PRSS23: variants seen among roughly 807,000 people sequenced by gnomAD.
The protein encoded by PRSS23 is protease, serine 23.
PRSS23 carries 25 observed loss-of-function variants against 34.7 expected under a neutral mutation model. That is an observed-to-expected ratio of 0.72 (90% CI 0.53 to 1.01). The LOEUF (loss-of-function observed/expected upper bound fraction) is 1.01. Ranked by LOEUF, PRSS23 falls within the 50% of genes least tolerant of loss-of-function variation. The probability of loss-of-function intolerance (pLI) is 0.00; values close to 1 mark genes in which losing one functional copy is unlikely to be tolerated. For synonymous variants in PRSS23, 176 were observed against 186.6 expected (o/e 0.94, Z 0.46); for missense variants, 445 against 475.6 (o/e 0.94, Z 0.60).
At chr11:86,823,232 C>G (rs550157670) in intron 1 of PRSS23, 1 of 611,098 alleles carries the variant, frequency 1.6e-6, no homozygotes, top group African/African-American at 1.9e-5. Context: ...TATTCCTAAT[C>G]TGTAAAAGCA....
chr11:86,895,114 T>G (rs112649702), intron 2 of PRSS23, among the ~76,000 whole-genome samples: 5,649 of 152,310 alleles, frequency 0.037, 142 homozygotes, highest in Middle Eastern at 0.12. Flanking sequence ...CATTTTGATA[T>G]ACAGTAACAT....
At chr11:86,886,442 G>A (rs2511887) in intron 2 of PRSS23, among the ~76,000 whole-genome samples, 49,243 of 152,010 alleles carry the variant, frequency 0.32, 9,101 homozygotes, top group Non-Finnish European at 0.41. Context: ...GTGAAGTTGC[G>A]TGAAGCCTCT....
At chr11:86,840,008 T>G (rs1261596362) in intron 2 of PRSS23, among the ~76,000 whole-genome samples, 2 of 151,768 alleles carry the variant, frequency 1.3e-5, no homozygotes, top group East Asian at 3.9e-4. Context: ...TGCCAAATTG[T>G]AAAGACATCG....
intron 2 of PRSS23, chr11:86,948,512 T>C (rs1949263147): frequency 2.0e-5 from 3 of 152,180 alleles, no homozygotes; most frequent in Admixed American, 2.0e-4. Flanking sequence ...TTGTCTGGAA[T>C]GTGAAAGGAG....
chr11:86,923,927 C>T (rs1949063311), intron 2 of PRSS23, among the ~76,000 whole-genome samples: 1 of 152,154 alleles, frequency 6.6e-6, no homozygotes, highest in South Asian at 2.1e-4. Flanking sequence ...CTTGGTTATT[C>T]CCTAAGATAT....
At chr11:86,882,957 T>C (rs935919648) in intron 2 of PRSS23, among the ~76,000 whole-genome samples, 2 of 152,244 alleles carry the variant, frequency 1.3e-5, no homozygotes, top group Non-Finnish European at 2.9e-5. Flanking sequence ...GGGTCAGTGA[T>C]GTTCAGCTTT....
chr11:86,806,098 C>G (rs1948097994), intron 1 of PRSS23, among the ~76,000 whole-genome samples: 1 of 152,186 alleles, frequency 6.6e-6, no homozygotes, highest in African/African-American at 2.4e-5. Context: ...GATGATTGAT[C>G]TGGGCATTTA....
intron 2 of PRSS23, among the ~76,000 whole-genome samples, chr11:86,894,188 A>C (rs969189909): frequency 3.3e-5 from 5 of 152,020 alleles, no homozygotes; most frequent in African/African-American, 1.2e-4. Flanking sequence ...TAATTTTTGT[A>C]TTTTTGAGAT....
chr11:86,952,762 A>G (rs1259174016), exon 3 of PRSS23: 2 of 232,474 alleles, frequency 8.6e-6, no homozygotes, highest in Non-Finnish European at 1.7e-5. Context: ...TTTGCACAAC[A>G]CTTGAAATAA....
chr11:86,873,197 TACACAC>T (rs111989090), intron 2 of PRSS23, among the ~76,000 whole-genome samples: 12 of 135,110 alleles, frequency 8.9e-5, no homozygotes, highest in African/African-American at 2.6e-4. Flanking sequence ...TACATATATA[TACACAC>T]ACACACACAC....
intron 2 of PRSS23, among the ~76,000 whole-genome samples, chr11:86,843,182 A>G (rs1306246158): frequency 2.0e-5 from 3 of 152,218 alleles, no homozygotes; most frequent in African/African-American, 2.4e-5. Flanking sequence ...AGGATTCCCT[A>G]TTTAACAAAT....
Position 86,826,662 on chromosome 11 carries a change from G to A in PRSS23, c.206+3069G>A, listed in dbSNP as rs1168301797. ...GATAGCTCTTATTATTTTGAGATACGTCCCATCAATACCTAATTTATTGAG... is the reference window on the plus strand; with the variant it reads ...GATAGCTCTTATTATTTTGAGATACATCCCATCAATACCTAATTTATTGAG... On this transcript the variant is annotated intron_variant, in intron 2 of 2. Coordinates refer to the PRSS23 transcript ENST00000533902. 6.6e-5 allele frequency among the ~76,000 whole-genome samples: 10 copies of A among 152,238 alleles called. No individual in the cohort carries two copies. The South Asian group carries it at 8.3e-4, about 13-fold the overall frequency.
chr11:86,938,299 C>T (rs1413353918), intron 2 of PRSS23, among the ~76,000 whole-genome samples: 3 of 152,164 alleles, frequency 2.0e-5, no homozygotes, highest in Non-Finnish European at 4.4e-5. Context: ...CAGAGGTGCC[C>T]TAAAGGAAGG....
At chr11:86,894,701 T>C (rs1475636127) in intron 2 of PRSS23, among the ~76,000 whole-genome samples, 2 of 152,200 alleles carry the variant, frequency 1.3e-5, no homozygotes, top group Admixed American at 6.5e-5. Context: ...GTTGTCTTTA[T>C]CTTCAAAGCT....
At chr11:86,824,001 G>A (rs1300726283) in intron 2 of PRSS23, among the ~76,000 whole-genome samples, 3 of 81,242 alleles carry the variant, frequency 3.7e-5, no homozygotes, top group South Asian at 9.2e-4. Flanking sequence ...GCGAGACTCC[G>A]TCTCAAAAAA....
chr11:86,796,038 G>C (rs1947978318), upstream of PRSS23, among the ~76,000 whole-genome samples: 1 of 152,142 alleles, frequency 6.6e-6, no homozygotes, highest in Non-Finnish European at 1.5e-5. Context: ...CTGCTTTGGG[G>C]TTATTTAACA....
intron 2 of PRSS23, chr11:86,950,111 T>C (rs1288901966): frequency 2.0e-5 from 3 of 152,598 alleles, no homozygotes; most frequent in Non-Finnish European, 2.9e-5. Flanking sequence ...TTAATTGTAA[T>C]TGACACACAA....
chr11:86,926,965 G>A (rs1949085796), intron 2 of PRSS23, among the ~76,000 whole-genome samples: 2 of 152,322 alleles, frequency 1.3e-5, no homozygotes, highest in East Asian at 1.9e-4. Flanking sequence ...AAGGAAAGGG[G>A]AGGTTACTTA....
downstream of PRSS23, among the ~76,000 whole-genome samples, chr11:86,812,816 A>G (rs1474222420): frequency 6.6e-6 from 1 of 151,784 alleles, no homozygotes; most frequent in Non-Finnish European, 1.5e-5. Flanking sequence ...AAAAAGAAAA[A>G]GAAAAAAGAA....
Sources: gnomAD v4.1 joint callset for allele counts (sites outside exome capture counted in the v4.1 genomes callset) on GRCh38, gnomAD v4.1.1 for gene constraint, MANE v1.5 for transcripts, NCBI Gene and HGNC (gene_info 2026-07-23, HGNC 2026-07-21) for gene names.